Variants in IL1RAPL2 observed in about 807,000 individuals in gnomAD.
IL1RAPL2 encodes interleukin 1 receptor accessory protein like 2.
A neutral mutation model predicts 44.1 loss-of-function variants in IL1RAPL2; 3 were observed. The ratio of observed to expected loss-of-function variants is 0.07; its 90% CI spans 0.03 to 0.18. IL1RAPL2 has a LOEUF of 0.18. IL1RAPL2 is among the 10% of genes least tolerant of loss of function. IL1RAPL2 has a pLI of 1.00. For missense variants in IL1RAPL2, 391 were observed against 496.4 expected (o/e 0.79, Z 2.02); for synonymous variants, 181 against 178.8 (o/e 1.01, Z -0.10).
intron 2 of IL1RAPL2, among the ~76,000 whole-genome samples, chrX:105,032,434 T>A (rs1389621404): frequency 1.8e-5 from 2 of 110,484 alleles, no homozygotes; most frequent in Non-Finnish European, 3.8e-5. Context: ...GTGTCTTTGT[T>A]CTCGTTGGTT....
At chrX:105,480,508 A>G (rs185168628) in intron 5 of IL1RAPL2, among the ~76,000 whole-genome samples, 40 of 112,167 alleles carry the variant, frequency 3.6e-4, no homozygotes, top group African/African-American at 1.2e-3. Context: ...GAAATTGTAC[A>G]TTGAAACGTT....
chrX:105,729,919 A>AGGAAGGAAGGAAGGACGGAGGGAG (rs1486522596), intron 7 of IL1RAPL2, among the ~76,000 whole-genome samples: 1 of 70,206 alleles, frequency 1.4e-5, no homozygotes, highest in Non-Finnish European at 2.4e-5. Flanking sequence ...GAAGGAAGGA[A>AGGAAGGAAGGAAGGACGGAGGGAG]GGAGGGAGGG....
intron 5 of IL1RAPL2, among the ~76,000 whole-genome samples, chrX:105,456,657 T>C (rs373183924): frequency 9.0e-6 from 1 of 111,466 alleles, no homozygotes; most frequent in East Asian, 2.8e-4. Flanking sequence ...GATTATTGAT[T>C]TCAGATTTTC....
intron 5 of IL1RAPL2, chrX:105,405,909 G>A: frequency 8.6e-7 from 1 of 1,169,025 alleles, no homozygotes. Flanking sequence ...TGATGATATT[G>A]CTTTGATCAG....
chrX:104,578,790 A>G lies in IL1RAPL2; in HGVS notation c.-20+11739A>G, dbSNP rs1453856569. Among the ~76,000 whole-genome samples the G allele has an allele frequency of 8.1e-5, 9 of 111,780 alleles. No homozygotes were observed. In the Admixed American group the frequency reaches 8.6e-4, roughly 11 times the overall value. ...TGGGGGCACTTGGTTATAGAGATAT[A>G]GAAAAATGAGTCACGTGAAAATGAG... On this transcript the variant is annotated intron_variant, in intron 1 of 10. Coordinates refer to ENST00000372582, the MANE Select transcript of IL1RAPL2 (RefSeq NM_017416.2).
intron 2 of IL1RAPL2, among the ~76,000 whole-genome samples, chrX:105,189,661 A>G (rs1556136077): frequency 8.9e-6 from 1 of 112,289 alleles, no homozygotes; most frequent in East Asian, 2.8e-4. Flanking sequence ...GGTTACGTCA[A>G]GAACATGAAT....
intron 2 of IL1RAPL2, among the ~76,000 whole-genome samples, chrX:104,918,550 A>G (rs1924533959): frequency 8.9e-6 from 1 of 112,266 alleles, no homozygotes; most frequent in Non-Finnish European, 1.9e-5. Flanking sequence ...GGGGGTTTGC[A>G]TCTATTCCAT....
At chrX:105,592,722 G>T (rs1379935375) in intron 6 of IL1RAPL2, among the ~76,000 whole-genome samples, 1 of 111,466 alleles carries the variant, frequency 9.0e-6, no homozygotes, top group Admixed American at 9.5e-5. Context: ...TTCTTGTTTG[G>T]CATGTCTTTT....
chrX:105,098,548 C>T (rs1397707332), intron 2 of IL1RAPL2, among the ~76,000 whole-genome samples: 1 of 112,260 alleles, frequency 8.9e-6, no homozygotes, highest in Non-Finnish European at 1.9e-5. Context: ...TTAGGAAAAT[C>T]TCTGATCTTG....
intron 5 of IL1RAPL2, among the ~76,000 whole-genome samples, chrX:105,356,172 G>GTA (rs1387190676): frequency 1.9e-4 from 19 of 99,949 alleles, no homozygotes; most frequent in African/African-American, 9.4e-4. Context: ...ATGTGTGTGT[G>GTA]TGTGTGTGTG....
At chrX:105,368,194 A>G (rs2035310115) in intron 5 of IL1RAPL2, among the ~76,000 whole-genome samples, 3 of 110,807 alleles carry the variant, frequency 2.7e-5, no homozygotes, top group South Asian at 7.7e-4. Flanking sequence ...ATTAGTTCCT[A>G]AGAGAGAAGG....
At chrX:105,464,298 A>G (rs2036113310) in intron 5 of IL1RAPL2, among the ~76,000 whole-genome samples, 1 of 111,666 alleles carries the variant, frequency 9.0e-6, no homozygotes, top group African/African-American at 3.3e-5. Flanking sequence ...TATTATTCTC[A>G]CTTACTTAGG....
chrX:105,038,400 T>G (rs1312087723), intron 2 of IL1RAPL2, among the ~76,000 whole-genome samples: 1 of 111,820 alleles, frequency 8.9e-6, no homozygotes, highest in Non-Finnish European at 1.9e-5. Flanking sequence ...ATTCCCACTT[T>G]CCTTTATGTG....
intron 6 of IL1RAPL2, among the ~76,000 whole-genome samples, chrX:105,689,490 G>C (rs1175167391): frequency 8.9e-6 from 1 of 112,370 alleles, no homozygotes; most frequent in Non-Finnish European, 1.9e-5. Flanking sequence ...CTGGTCATCA[G>C]AGAAATGCAA....
At chrX:105,533,446 G>A (rs924235914) in intron 6 of IL1RAPL2, among the ~76,000 whole-genome samples, 2 of 111,643 alleles carry the variant, frequency 1.8e-5, no homozygotes, top group African/African-American at 3.3e-5. Flanking sequence ...GAATTATTCT[G>A]ACTTTACCAG....
intron 2 of IL1RAPL2, among the ~76,000 whole-genome samples, chrX:105,089,135 T>A (rs975612487): frequency 6.3e-5 from 7 of 111,400 alleles, no homozygotes; most frequent in Non-Finnish European, 1.1e-4. Flanking sequence ...TAAAATTGAT[T>A]TTTATTTAAG....
At chrX:105,276,489 G>C (rs979514547) in intron 5 of IL1RAPL2, among the ~76,000 whole-genome samples, 3 of 112,581 alleles carry the variant, frequency 2.7e-5, no homozygotes, top group Non-Finnish European at 5.6e-5. Context: ...TGGACCAGGT[G>C]TGTGAAGCAA....
intron 2 of IL1RAPL2, among the ~76,000 whole-genome samples, chrX:104,855,681 G>GTTTTTTTTTTTTTTTT (rs1556002120): frequency 3.7e-5 from 2 of 53,880 alleles, no homozygotes; most frequent in African/African-American, 1.2e-4. Context: ...ATCTGGATCC[G>GTTTTTTTTTTTTTTTT]TTTTTTTTTT....
chrX:104,982,589 C>T (rs966759556), intron 2 of IL1RAPL2, among the ~76,000 whole-genome samples: 1 of 110,721 alleles, frequency 9.0e-6, no homozygotes, highest in African/African-American at 3.3e-5. Context: ...TTATAATATA[C>T]AGGCAAATAT....
Sources: allele counts gnomAD v4.1 joint callset (sites outside exome capture counted in the v4.1 genomes callset), GRCh38; gene constraint gnomAD v4.1.1; transcripts MANE v1.5; gene names NCBI Gene and HGNC (gene_info 2026-07-23, HGNC 2026-07-21).